Variants in CGNL1 observed in about 807,000 individuals in gnomAD.
CGNL1 encodes the protein cingulin-like protein 1.
CGNL1 carries 132 observed loss-of-function variants against 141.2 expected under a neutral mutation model. That is an observed-to-expected ratio of 0.93 (90% CI 0.81 to 1.08). The LOEUF (loss-of-function observed/expected upper bound fraction) is 1.08. Ranked by LOEUF, CGNL1 falls within the 50% of genes least tolerant of loss-of-function variation. The pLI is 0.00. For missense variants in CGNL1, 1,870 were observed against 1,588.6 expected (o/e 1.18, Z -3.01); for synonymous variants, 690 against 622.1 (o/e 1.11, Z -1.63).
At chr15:57,542,467 T>C (rs2032620456) in intron 14 of CGNL1, among the ~76,000 whole-genome samples, 1 of 152,184 alleles carries the variant, frequency 6.6e-6, no homozygotes. Context: ...CCACTGGGAA[T>C]TGGGAGAAGA....
chr15:57,387,319 C>A (rs1490591219), intron 1 of CGNL1, among the ~76,000 whole-genome samples: 1 of 152,210 alleles, frequency 6.6e-6, no homozygotes, highest in African/African-American at 2.4e-5. Flanking sequence ...GCACCCCAAG[C>A]CTCAGTGTCA....
chr15:57,378,779 A>G (rs184415366), intron 1 of CGNL1, among the ~76,000 whole-genome samples: 2 of 152,308 alleles, frequency 1.3e-5, no homozygotes, highest in Admixed American at 1.3e-4. Flanking sequence ...TGTAAGTCCA[A>G]AGAACATTCA....
intron 8 of CGNL1, among the ~76,000 whole-genome samples, chr15:57,500,247 C>CA (rs1322673582): frequency 6.6e-6 from 1 of 152,148 alleles, no homozygotes; most frequent in East Asian, 1.9e-4. Flanking sequence ...GCCAGATAAG[C>CA]ATAAGGAGAC....
At chr15:57,383,524 T>G (rs1160808909) in intron 1 of CGNL1, among the ~76,000 whole-genome samples, 1 of 152,034 alleles carries the variant, frequency 6.6e-6, no homozygotes, top group Non-Finnish European at 1.5e-5. Flanking sequence ...GGTCTCTATC[T>G]CCTGACCTCG....
chr15:57,409,036 G>GTCACAC (rs1475051149), intron 1 of CGNL1, among the ~76,000 whole-genome samples: 1 of 35,824 alleles, frequency 2.8e-5, no homozygotes, highest in Non-Finnish European at 6.0e-5. Context: ...GTGAGACTCT[G>GTCACAC]TCACACACAC....
At chr15:57,433,553 G>T (rs776266995) in intron 1 of CGNL1, among the ~76,000 whole-genome samples, 4 of 152,222 alleles carry the variant, frequency 2.6e-5, no homozygotes, top group Non-Finnish European at 5.9e-5. Flanking sequence ...CAGAACCACA[G>T]AGAGGCTCAG....
chr15:57,489,997 C>G (rs1322874372), intron 8 of CGNL1, among the ~76,000 whole-genome samples: 5 of 152,068 alleles, frequency 3.3e-5, no homozygotes, highest in African/African-American at 9.7e-5. Context: ...TATTTTCAAC[C>G]CTGCTTTGTG....
intron 1 of CGNL1, among the ~76,000 whole-genome samples, chr15:57,416,074 C>G (rs2062845087): frequency 6.6e-6 from 1 of 152,150 alleles, no homozygotes; most frequent in Admixed American, 6.5e-5. Flanking sequence ...CACAGAAATA[C>G]AGTTTTGAGG....
At position 57,504,021 on chromosome 15, in the gene CGNL1, C is replaced by G. The variant is rs559786363; in HGVS notation, c.2404-12759C>G. 7.9e-5 allele frequency among the ~76,000 whole-genome samples: 12 copies of G among 152,232 alleles called. No individual in the cohort carries two copies. The South Asian group carries it at 2.3e-3, about 29-fold the overall frequency. On this transcript the variant is annotated intron_variant, in intron 8 of 18. Coordinates refer to ENST00000281282, the MANE Select transcript of CGNL1 (RefSeq NM_032866.5). ...CCCCTGTGCCCTGCGTGGCATTGTG[C>G]TGAGTACGCTGGGAGTGGCATGGCA...
At chr15:57,532,809 A>G (rs1475714743) in intron 14 of CGNL1, among the ~76,000 whole-genome samples, 1 of 152,252 alleles carries the variant, frequency 6.6e-6, no homozygotes, top group Non-Finnish European at 1.5e-5. Flanking sequence ...TTAGAGCCTC[A>G]GCCCTAAAAG....
At chr15:57,475,373 G>A (rs1869300617) in intron 8 of CGNL1, among the ~76,000 whole-genome samples, 1 of 151,992 alleles carries the variant, frequency 6.6e-6, no homozygotes, top group Admixed American at 6.5e-5. Flanking sequence ...GCCACCTCTG[G>A]GACTTTGCTT....
chr15:57,439,453 C>T lies in CGNL1; in HGVS notation c.1454C>T (p.Pro485Leu), dbSNP rs774608330. 31 of 1,614,144 alleles carry T rather than the reference C, an allele frequency of 1.9e-5. No homozygotes were observed. The highest frequency in any genetic ancestry group is 2.5e-5 in the Non-Finnish European group (29 of 1,180,036). ...CAGGAAAGTACAGTGATCCGTGCGCCCTCCCTTGGTGCACAGAGTAAAAAG... is the reference window on the plus strand; with the variant it reads ...CAGGAAAGTACAGTGATCCGTGCGCTCTCCCTTGGTGCACAGAGTAAAAAG... ...GSQESTVIRA[P>L]SLGAQSKKEE... Residue 485 changes from proline to leucine, a missense_variant, in exon 2 of 19, where the codon CCC (proline) becomes CTC (leucine). Physicochemically the swap from Pro to Leu is moderately conservative, Grantham distance 98. Transcript: ENST00000281282.
At chr15:57,380,492 G>T (rs147423141) in intron 1 of CGNL1, among the ~76,000 whole-genome samples, 3 of 152,180 alleles carry the variant, frequency 2.0e-5, no homozygotes, top group Non-Finnish European at 2.9e-5. Flanking sequence ...ACAGTGGCCC[G>T]TGGGGTACTG....
intron 1 of CGNL1, among the ~76,000 whole-genome samples, chr15:57,383,292 C>CTTTTTTTTTTTTTTTTTTTTTTTT (rs59213732): frequency 7.3e-5 from 8 of 109,596 alleles, no homozygotes; most frequent in East Asian, 3.3e-4. Flanking sequence ...TTCTTTCTTC[C>CTTTTTTTTTTTTTTTTTTTTTTTT]TTTTTTTTTT....
At chr15:57,446,976 G>A (rs2063260782) in intron 4 of CGNL1, among the ~76,000 whole-genome samples, 1 of 151,756 alleles carries the variant, frequency 6.6e-6, no homozygotes, top group African/African-American at 2.4e-5. Context: ...ATTCTTCTCC[G>A]AGATTATCTT....
chr15:57,382,500 C>T (rs1292979913), intron 1 of CGNL1, among the ~76,000 whole-genome samples: 9 of 152,180 alleles, frequency 5.9e-5, no homozygotes, highest in South Asian at 2.1e-4. Flanking sequence ...TGGTAGAGTA[C>T]GTAATCGTTC....
At chr15:57,397,821 C>A (rs559867429) in intron 1 of CGNL1, among the ~76,000 whole-genome samples, 1 of 149,528 alleles carries the variant, frequency 6.7e-6, no homozygotes, top group Non-Finnish European at 1.5e-5. Context: ...CTCTCTCTGT[C>A]GCCCATGCTG....
At chr15:57,379,408 G>T (rs1354676995) in intron 1 of CGNL1, among the ~76,000 whole-genome samples, 3 of 152,178 alleles carry the variant, frequency 2.0e-5, no homozygotes, top group African/African-American at 7.2e-5. Context: ...AGGGAAAGGG[G>T]ATACAGCAAC....
intron 1 of CGNL1, among the ~76,000 whole-genome samples, chr15:57,417,297 G>A (rs1347324456): frequency 6.6e-6 from 1 of 152,044 alleles, no homozygotes; most frequent in Admixed American, 6.6e-5. Context: ...GCAGTGGTGG[G>A]ATCTTAGCTC....
Sources: gnomAD v4.1 joint callset for allele counts (sites outside exome capture counted in the v4.1 genomes callset) on GRCh38, gnomAD v4.1.1 for gene constraint, MANE v1.5 for transcripts, NCBI Gene and HGNC (gene_info 2026-07-23, HGNC 2026-07-21) for gene names.